OXR1: variants seen among roughly 807,000 people sequenced by gnomAD.
OXR1 encodes the protein oxidation resistance protein 1.
In OXR1, 41 loss-of-function variants were observed where a neutral mutation model predicts 104.6. The observed-to-expected ratio is 0.39, with a 90% CI of 0.31 to 0.51. OXR1 has a LOEUF of 0.51. Ranked by LOEUF, OXR1 falls within the 20% of genes least tolerant of loss-of-function variation. The probability of loss-of-function intolerance (pLI) is 0.77; values close to 1 mark genes in which losing one functional copy is unlikely to be tolerated. For missense variants in OXR1, 955 were observed against 1,031.9 expected (o/e 0.93, Z 1.02); for synonymous variants, 348 against 348.4 (o/e 1.00, Z 0.01).
chr8:106,420,719 G>A (rs909234705), intron 2 of OXR1, among the ~76,000 whole-genome samples: 3 of 135,122 alleles, frequency 2.2e-5, no homozygotes, highest in Non-Finnish European at 4.5e-5. Flanking sequence ...CTCTGACAAT[G>A]CATTAAAATA....
At chr8:106,666,607 A>G (rs115162833) in intron 3 of OXR1, among the ~76,000 whole-genome samples, 1 of 152,186 alleles carries the variant, frequency 6.6e-6, no homozygotes, top group Non-Finnish European at 1.5e-5. Flanking sequence ...TTTCTAGCCA[A>G]GGAGTAGAGT....
At chr8:106,384,731 C>CT (rs66711083) in intron 2 of OXR1, among the ~76,000 whole-genome samples, 77 of 142,194 alleles carry the variant, frequency 5.4e-4, no homozygotes, top group Non-Finnish European at 7.8e-4. Flanking sequence ...TTTCTTTTTT[C>CT]TTTTTTTTTT....
At chr8:106,328,210 C>T (rs1304684862) in intron 1 of OXR1, among the ~76,000 whole-genome samples, 4 of 152,122 alleles carry the variant, frequency 2.6e-5, no homozygotes, top group African/African-American at 7.2e-5. Context: ...TATATTTGGC[C>T]ATTCTTAGCC....
chr8:106,488,638 A>T (rs1441684589), intron 2 of OXR1, among the ~76,000 whole-genome samples: 1 of 149,882 alleles, frequency 6.7e-6, no homozygotes, highest in Non-Finnish European at 1.5e-5. Context: ...AGCTTTCTAC[A>T]TATGGCTAGC....
intron 2 of OXR1, among the ~76,000 whole-genome samples, chr8:106,390,184 A>G (rs1015696278): frequency 1.3e-5 from 2 of 152,214 alleles, no homozygotes; most frequent in African/African-American, 4.8e-5. Context: ...TAAGTAATAT[A>G]CATTCATGTT....
intron 1 of OXR1, among the ~76,000 whole-genome samples, chr8:106,331,801 C>A (rs1402047074): frequency 6.6e-6 from 1 of 151,820 alleles, no homozygotes; most frequent in Non-Finnish European, 1.5e-5. Flanking sequence ...ATTAAATTGG[C>A]ATGGTGGCAT....
chr8:106,451,699 G>C (rs1222309901), intron 2 of OXR1, among the ~76,000 whole-genome samples: 2 of 152,166 alleles, frequency 1.3e-5, no homozygotes, highest in Non-Finnish European at 2.9e-5. Flanking sequence ...CTAGAACATC[G>C]TCTCTGTTGA....
intron 8 of OXR1, among the ~76,000 whole-genome samples, chr8:106,703,666 G>A (rs1413157285): frequency 6.6e-6 from 1 of 152,084 alleles, no homozygotes; most frequent in Non-Finnish European, 1.5e-5. Flanking sequence ...TGTGTGATAT[G>A]TTAAGATAGC....
At chr8:106,485,134 A>G (rs1229694422) in intron 2 of OXR1, among the ~76,000 whole-genome samples, 1 of 152,050 alleles carries the variant, frequency 6.6e-6, no homozygotes, top group East Asian at 1.9e-4. Context: ...TATGGATACA[A>G]CAAAAAAATC....
chr8:106,279,599 G>A (rs896442768), intron 1 of OXR1, among the ~76,000 whole-genome samples: 45 of 152,158 alleles, frequency 3.0e-4, no homozygotes, highest in African/African-American at 8.7e-4. Context: ...TGCAAAAACA[G>A]TAATAGATAC....
At chr8:106,451,291 A>G (rs74864396) in intron 2 of OXR1, among the ~76,000 whole-genome samples, 52 of 152,312 alleles carry the variant, frequency 3.4e-4, no homozygotes, top group Non-Finnish European at 5.6e-4. Context: ...TTGGCTTATT[A>G]TCATTGCAAT....
intron 3 of OXR1, among the ~76,000 whole-genome samples, chr8:106,602,232 A>G (rs890077144): frequency 1.3e-5 from 2 of 152,210 alleles, no homozygotes; most frequent in Non-Finnish European, 1.5e-5. Context: ...CACTAGATTT[A>G]TAGTAATTGT....
intron 3 of OXR1, among the ~76,000 whole-genome samples, chr8:106,630,108 C>A (rs1334135192): frequency 2.0e-5 from 3 of 152,102 alleles, no homozygotes; most frequent in Non-Finnish European, 4.4e-5. Flanking sequence ...TGTGGCTTAG[C>A]TTTCTCTGTA....
chr8:106,356,301 AT>A (rs1265192035), intron 1 of OXR1, among the ~76,000 whole-genome samples: 1 of 152,144 alleles, frequency 6.6e-6, no homozygotes, highest in Non-Finnish European at 1.5e-5. Flanking sequence ...CAGAGAATGG[AT>A]TTACAATTGC....
At chr8:106,482,056 A>C (rs1326071156) in intron 2 of OXR1, among the ~76,000 whole-genome samples, 35 of 152,178 alleles carry the variant, frequency 2.3e-4, no homozygotes, top group Admixed American at 2.0e-3. Flanking sequence ...ACAGACATTT[A>C]TTGGGTGCCA....
At chr8:106,516,296 T>G (rs1000024106) in intron 2 of OXR1, among the ~76,000 whole-genome samples, 3 of 152,174 alleles carry the variant, frequency 2.0e-5, no homozygotes, top group African/African-American at 7.2e-5. Flanking sequence ...CCTATCTCTT[T>G]TACTGTGCTT....
chr8:106,719,451 A>C (rs529387872), intron 11 of OXR1, among the ~76,000 whole-genome samples: 1 of 152,318 alleles, frequency 6.6e-6, no homozygotes, highest in Admixed American at 6.5e-5. Flanking sequence ...TAGTTATTCA[A>C]ATGTCATAAA....
chr8:106,599,461 C>T (rs896713972), intron 3 of OXR1, among the ~76,000 whole-genome samples: 4 of 152,110 alleles, frequency 2.6e-5, no homozygotes, highest in African/African-American at 9.7e-5. Flanking sequence ...TATTCCTCAA[C>T]CAGGAACAAA....
At chr8:106,305,927 C>T (rs1813446659) in intron 1 of OXR1, among the ~76,000 whole-genome samples, 1 of 152,044 alleles carries the variant, frequency 6.6e-6, no homozygotes, top group South Asian at 2.1e-4. Context: ...TCTTAAATAC[C>T]TCAGGAGAGG....
Sources: gnomAD v4.1 joint callset for allele counts (sites outside exome capture counted in the v4.1 genomes callset) on GRCh38, gnomAD v4.1.1 for gene constraint, MANE v1.5 for transcripts, NCBI Gene and HGNC (gene_info 2026-07-23, HGNC 2026-07-21) for gene names.